ESRRG: variants seen among roughly 807,000 people sequenced by gnomAD.
ESRRG encodes the protein estrogen related receptor gamma.
In ESRRG, 13 loss-of-function variants were observed where a neutral mutation model predicts 44.0. The observed-to-expected ratio is 0.30, with a 90% CI of 0.19 to 0.47. The LOEUF is 0.47. Ranked by LOEUF, ESRRG falls within the 20% of genes least tolerant of loss-of-function variation. ESRRG has a pLI of 1.00. For missense variants in ESRRG, 395 were observed against 580.6 expected, an observed-to-expected ratio of 0.68 and a Z score of 3.29; for synonymous variants, 215 against 214.6, an observed-to-expected ratio of 1.00 and a Z score of -0.02.
chr1:217,019,924 A>T (rs1428104895), intron 1 of ESRRG, among the ~76,000 whole-genome samples: 5 of 152,192 alleles, frequency 3.3e-5, no homozygotes, highest in African/African-American at 9.7e-5. Flanking sequence ...TTTCTAATGT[A>T]CTGATTTGGG....
chr1:216,836,513 A>C (rs1374908655), intron 2 of ESRRG, among the ~76,000 whole-genome samples: 1 of 152,120 alleles, frequency 6.6e-6, no homozygotes, highest in Non-Finnish European at 1.5e-5. Flanking sequence ...CAACACTGTA[A>C]TCTCCCAGTG....
At chr1:216,913,266 C>T (rs2060718121) in intron 2 of ESRRG, among the ~76,000 whole-genome samples, 1 of 151,678 alleles carries the variant, frequency 6.6e-6, no homozygotes, top group Non-Finnish European at 1.5e-5. Flanking sequence ...CATAGTTTTA[C>T]ATTATATTGA....
At chr1:216,698,161 G>T (rs1211096558) in intron 1 of ESRRG, among the ~76,000 whole-genome samples, 2 of 152,162 alleles carry the variant, frequency 1.3e-5, no homozygotes, top group East Asian at 1.9e-4. Flanking sequence ...AAAAATTAGT[G>T]CAATCCATCT....
chr1:217,001,974 C>T lies in ESRRG; in HGVS notation c.-105-62301G>A, dbSNP rs74792098. 8.3e-3 allele frequency among the ~76,000 whole-genome samples: 1,259 copies of T among 151,960 alleles called. 15 individuals carry two copies. The highest frequency in any genetic ancestry group is 0.028 in the African/African-American group (1,180 of 41,508). ...CAATCCCAGCTCAAATCTCCAACTG[C>T]TAATAAGTTTGGCACCATTATAATT... On this transcript the variant is annotated intron_variant, in intron 1 of 7. Transcript: ENST00000359162.
At chr1:216,727,111 ACT>A (rs2087691051), upstream of ESRRG, among the ~76,000 whole-genome samples, 1 of 152,186 alleles carries the variant, frequency 6.6e-6, no homozygotes, top group African/African-American at 2.4e-5. Context: ...CAAGTTTATC[ACT>A]GTCATTTTTG....
intron 1 of ESRRG, among the ~76,000 whole-genome samples, chr1:217,055,825 C>A (rs536146299): frequency 6.6e-6 from 1 of 152,330 alleles, no homozygotes; most frequent in Admixed American, 6.5e-5. Context: ...CCACTGTCCT[C>A]TTCCCCACAC....
intron 5 of ESRRG, among the ~76,000 whole-genome samples, chr1:216,527,550 T>C (rs890509690): frequency 2.0e-5 from 3 of 152,122 alleles, no homozygotes; most frequent in Admixed American, 1.3e-4. Flanking sequence ...CCTCTAGTAA[T>C]TCCTCCATGG....
intron 2 of ESRRG, among the ~76,000 whole-genome samples, chr1:216,817,827 A>G (rs753564505): frequency 6.6e-6 from 1 of 152,208 alleles, no homozygotes; most frequent in Non-Finnish European, 1.5e-5. Context: ...CCAAATTCCT[A>G]GCAGATTTCT....
intron 5 of ESRRG, among the ~76,000 whole-genome samples, chr1:216,527,980 A>G (rs968430009): frequency 2.0e-5 from 3 of 149,874 alleles, no homozygotes. Context: ...GTTTCCTGCT[A>G]TGTCTCCAGC....
chr1:216,911,301 C>T (rs1256058458), intron 2 of ESRRG, among the ~76,000 whole-genome samples: 8 of 151,958 alleles, frequency 5.3e-5, no homozygotes, highest in Non-Finnish European at 8.8e-5. Flanking sequence ...GCTAAAAAGA[C>T]GAACTATCAA....
At chr1:217,105,661 C>T (rs1250619804) in intron 1 of ESRRG, among the ~76,000 whole-genome samples, 1 of 152,100 alleles carries the variant, frequency 6.6e-6, no homozygotes, top group Non-Finnish European at 1.5e-5. Context: ...CCTGTAGGAG[C>T]GCCTGCCTGT....
At chr1:217,065,916 G>T (rs2089572997) in intron 1 of ESRRG, among the ~76,000 whole-genome samples, 1 of 152,168 alleles carries the variant, frequency 6.6e-6, no homozygotes, top group Admixed American at 6.5e-5. Flanking sequence ...TCCAAGTATT[G>T]TGTTGTCATT....
chr1:216,841,984 C>T (rs6698232), intron 2 of ESRRG, among the ~76,000 whole-genome samples: 5,103 of 151,342 alleles, frequency 0.034, 297 homozygotes, highest in African/African-American at 0.12. Flanking sequence ...ATTAAGTAAC[C>T]CTCTAATATA....
intron 2 of ESRRG, among the ~76,000 whole-genome samples, chr1:216,905,562 T>TA (rs2059594411): frequency 6.6e-6 from 1 of 152,094 alleles, no homozygotes; most frequent in South Asian, 2.1e-4. Flanking sequence ...TTTGTATACT[T>TA]ACGTAATAAC....
chr1:216,745,180 G>T (rs2091248564), intron 2 of ESRRG, among the ~76,000 whole-genome samples: 1 of 151,830 alleles, frequency 6.6e-6, no homozygotes, highest in Non-Finnish European at 1.5e-5. Flanking sequence ...TTGTTTTTAA[G>T]TCGAGTCTCA....
intron 2 of ESRRG, among the ~76,000 whole-genome samples, chr1:216,784,271 G>A (rs1235619202): frequency 1.3e-5 from 2 of 151,538 alleles, no homozygotes; most frequent in Non-Finnish European, 2.9e-5. Flanking sequence ...AAATATCCAC[G>A]ATGTTATAGT....
chr1:216,682,993 G>A (rs2077295912), intron 1 of ESRRG, among the ~76,000 whole-genome samples: 1 of 152,168 alleles, frequency 6.6e-6, no homozygotes, highest in Non-Finnish European at 1.5e-5. Flanking sequence ...GAAAGGGAAA[G>A]CAACCGAATG....
chr1:216,916,434 A>G (rs949757282), intron 2 of ESRRG, among the ~76,000 whole-genome samples: 1 of 152,248 alleles, frequency 6.6e-6, no homozygotes, highest in Non-Finnish European at 1.5e-5. Flanking sequence ...GGAATTCATT[A>G]GCATCCGTTA....
chr1:217,085,497 T>A (rs2092029733), intron 1 of ESRRG, among the ~76,000 whole-genome samples: 1 of 133,668 alleles, frequency 7.5e-6, no homozygotes, highest in Non-Finnish European at 1.6e-5. Flanking sequence ...TTTTTTTTTT[T>A]TTTTTTTTTT....
Sources: allele counts gnomAD v4.1 joint callset (sites outside exome capture counted in the v4.1 genomes callset), GRCh38; gene constraint gnomAD v4.1.1; transcripts MANE v1.5; gene names NCBI Gene and HGNC (gene_info 2026-07-23, HGNC 2026-07-21).